Variants in BMP2K observed in about 807,000 individuals in gnomAD.
BMP2K encodes the protein BMP-2-inducible protein kinase.
BMP2K carries 74 observed loss-of-function variants against 116.0 expected under a neutral mutation model. That is an observed-to-expected ratio of 0.64 (90% CI 0.53 to 0.77). The LOEUF is 0.77. Ranked by LOEUF, BMP2K falls within the 30% of genes least tolerant of loss-of-function variation. The pLI, the probability that BMP2K is intolerant of heterozygous loss-of-function variation, is 0.00. For synonymous variants in BMP2K, 486 were observed against 502.5 expected (o/e 0.97, Z 0.44); for missense variants, 1,365 against 1,403.6 (o/e 0.97, Z 0.44).
chr4:78,889,545 T>C (rs1733312590), intron 15 of BMP2K, among the ~76,000 whole-genome samples: 1 of 152,212 alleles, frequency 6.6e-6, no homozygotes, highest in Non-Finnish European at 1.5e-5. Flanking sequence ...TTGGGGACAT[T>C]CATTTTTCTT....
chr4:78,800,559 T>C (rs924236485), intron 1 of BMP2K, among the ~76,000 whole-genome samples: 2 of 152,222 alleles, frequency 1.3e-5, no homozygotes, highest in Admixed American at 6.5e-5. Context: ...GGAATGTAGT[T>C]ATGTCTGTAA....
chr4:78,829,775 CTTTTCTTTTCTT>C (rs1560518609), intron 2 of BMP2K, among the ~76,000 whole-genome samples: 83 of 113,394 alleles, frequency 7.3e-4, no homozygotes, highest in African/African-American at 3.4e-3. Flanking sequence ...CTTTTCTTTT[CTTTTCTTTTCTT>C]TTCTCTTCTC....
intron 13 of BMP2K, among the ~76,000 whole-genome samples, chr4:78,874,121 C>T (rs533269099): frequency 2.6e-5 from 4 of 151,424 alleles, no homozygotes; most frequent in South Asian, 4.2e-4. Flanking sequence ...GAGATTGCAG[C>T]GAGCTGAGAT....
chr4:78,832,384 C>G (rs1730250735), intron 2 of BMP2K, among the ~76,000 whole-genome samples: 1 of 152,164 alleles, frequency 6.6e-6, no homozygotes, highest in Non-Finnish European at 1.5e-5. Context: ...TATTTTGTAT[C>G]AACGTCTTTA....
intron 1 of BMP2K, among the ~76,000 whole-genome samples, chr4:78,787,871 A>G (rs1434737012): frequency 6.6e-6 from 1 of 152,158 alleles, no homozygotes. Flanking sequence ...GGGTTCCAGT[A>G]CACTATTTCC....
intron 15 of BMP2K, among the ~76,000 whole-genome samples, chr4:78,898,321 CA>C (rs1481421435): frequency 6.6e-6 from 1 of 152,038 alleles, no homozygotes; most frequent in Non-Finnish European, 1.5e-5. Flanking sequence ...ATAACATTTA[CA>C]GATTGTCAGT....
chr4:78,908,804 G>C (rs901159332), intron 15 of BMP2K, among the ~76,000 whole-genome samples: 1 of 151,896 alleles, frequency 6.6e-6, no homozygotes, highest in African/African-American at 2.4e-5. Context: ...TACATTTATG[G>C]GGTACATGAG....
chr4:78,867,745 A>G (rs1732127350), intron 10 of BMP2K, among the ~76,000 whole-genome samples: 1 of 152,184 alleles, frequency 6.6e-6, no homozygotes, highest in Non-Finnish European at 1.5e-5. Flanking sequence ...ATACAGATAT[A>G]AATAATTCAT....
At chr4:78,781,398 C>G (rs951690245) in intron 1 of BMP2K, among the ~76,000 whole-genome samples, 1 of 150,942 alleles carries the variant, frequency 6.6e-6, no homozygotes, top group South Asian at 2.1e-4. Flanking sequence ...GTGAAAGTAC[C>G]GTTTGGGAAC....
At chr4:78,889,876 A>T (rs1389291089) in intron 15 of BMP2K, among the ~76,000 whole-genome samples, 1 of 152,246 alleles carries the variant, frequency 6.6e-6, no homozygotes, top group East Asian at 1.9e-4. Flanking sequence ...AAATGAATTT[A>T]TGCAGCAGAA....
rs144135543 is a variant in BMP2K at position 78,805,592 on chromosome 4, A to G, written c.179-20445A>G. ...ACAAATTTTTATTAAGTTTATTACT[A>G]AATATTTTATTATTTCTGATACCTT... On this transcript the variant is annotated intron_variant, in intron 1 of 15. Coordinates refer to ENST00000502613, the MANE Select transcript of BMP2K (RefSeq NM_198892.2). Among the ~76,000 whole-genome samples the G allele has an allele frequency of 4.4e-4, 67 of 152,310 alleles. No individual in the cohort carries two copies. In the East Asian group the frequency reaches 0.012, roughly 27 times the overall value.
chr4:78,889,220 CAAAA>C (rs71661191), intron 15 of BMP2K, among the ~76,000 whole-genome samples: 1 of 53,752 alleles, frequency 1.9e-5, no homozygotes, highest in Non-Finnish European at 4.0e-5. Context: ...GACTCTGTCT[CAAAA>C]AAAAAAAAAA....
At chr4:78,878,505 C>T (rs1732740798) in intron 13 of BMP2K, among the ~76,000 whole-genome samples, 1 of 152,096 alleles carries the variant, frequency 6.6e-6, no homozygotes, top group Non-Finnish European at 1.5e-5. Flanking sequence ...CAAGGGTACA[C>T]AGCTAGGGTA....
At chr4:78,854,267 T>C (rs1057383213) in intron 7 of BMP2K, among the ~76,000 whole-genome samples, 2 of 149,864 alleles carry the variant, frequency 1.3e-5, no homozygotes, top group Non-Finnish European at 3.0e-5. Context: ...AATTTATTAT[T>C]ATTATTATTA....
rs553697251 is a variant in BMP2K, at chr4:78,859,960, A to G, written c.987+273A>G. The G allele has an allele frequency of 3.2e-5, 18 of 556,818 alleles. 1 individual carries two copies. In the Admixed American group the frequency reaches 3.2e-4, roughly 10 times the overall value. The allele number at this position is 556,818 out of a possible 1,614,324, so 34.5% of individuals were successfully genotyped here. ...CAGGGACATCTTTCTGACTTAGCAC[A>G]AAACTAATTTTATTAAGTTATTTGG... On this transcript the variant is annotated intron_variant, in intron 8 of 15. Transcript: ENST00000502613.
intron 10 of BMP2K, among the ~76,000 whole-genome samples, chr4:78,868,991 C>G (rs1221562042): frequency 1.3e-5 from 2 of 152,194 alleles, no homozygotes; most frequent in East Asian, 3.9e-4. Flanking sequence ...TGGCCCTCTT[C>G]TCACAGCTCC....
intron 7 of BMP2K, among the ~76,000 whole-genome samples, chr4:78,855,375 CAA>C (rs1399784651): frequency 6.6e-6 from 1 of 152,098 alleles, no homozygotes; most frequent in Non-Finnish European, 1.5e-5. Context: ...GAAAACCAAA[CAA>C]ATTTTAAGCA....
At chr4:78,841,371 TATG>T (rs1402739832) in intron 3 of BMP2K, among the ~76,000 whole-genome samples, 4 of 152,212 alleles carry the variant, frequency 2.6e-5, no homozygotes, top group African/African-American at 9.6e-5. Flanking sequence ...ATTCTTAAAA[TATG>T]ATGATTAACG....
chr4:78,796,698 T>C (rs907714244), intron 1 of BMP2K, among the ~76,000 whole-genome samples: 3 of 152,230 alleles, frequency 2.0e-5, no homozygotes, highest in Non-Finnish European at 4.4e-5. Flanking sequence ...ATTTAATGCT[T>C]TTTTGGGGCC....
Sources: allele counts gnomAD v4.1 joint callset (sites outside exome capture counted in the v4.1 genomes callset), GRCh38; gene constraint gnomAD v4.1.1; transcripts MANE v1.5; gene names NCBI Gene and HGNC (gene_info 2026-07-23, HGNC 2026-07-21).